Variants in TCP11L2 observed in about 807,000 individuals in gnomAD.
TCP11L2 encodes T-complex protein 11-like protein 2.
In TCP11L2, 39 loss-of-function variants were observed where a neutral mutation model predicts 50.7. The ratio of observed to expected loss-of-function variants is 0.77; its 90% confidence interval spans 0.60 to 1.01. TCP11L2 has a LOEUF of 1.01. Among genes scored for constraint, TCP11L2 ranks in the 50% least tolerant of loss-of-function variants. The pLI, the probability that TCP11L2 is intolerant of heterozygous loss-of-function variation, is 0.00. For missense variants in TCP11L2, 612 were observed against 614.7 expected (o/e 1.00, Z 0.05); for synonymous variants, 192 against 219.3 (o/e 0.88, Z 1.10).
At chr12:106,314,547 G>T in intron 3 of TCP11L2, 54 bp downstream of exon 3, 1 of 746,736 alleles carries the variant, frequency 1.3e-6, no homozygotes, top group South Asian at 1.8e-5. Context: ...GTGTGTGTGT[G>T]TGTGTGTGTG....
intron 6 of TCP11L2, among the ~76,000 whole-genome samples, chr12:106,331,553 G>A (rs2035747179): frequency 6.6e-6 from 1 of 152,188 alleles, no homozygotes; most frequent in Non-Finnish European, 1.5e-5. Context: ...CTAACACTTA[G>A]GGGACATTTC....
Position 106,335,794 on chromosome 12 carries a change from C to A in TCP11L2, c.928C>A (p.Gln310Lys). The change falls in exon 7 of 10, where the codon CAG (glutamine) becomes AAG (lysine). Residue 310 changes from glutamine to lysine, a missense_variant. Gln to Lys is a moderately conservative substitution (Grantham distance 53). Coordinates refer to ENST00000299045, the MANE Select transcript of TCP11L2 (RefSeq NM_152772.3). ...AAATAATAGTTACTTGAAACTGTTA[C>A]AGTGGGATTATCAGAAAAAAGAATT... ...VLNNSYLKLL[Q>K]WDYQKKELPE... 2 of 1,614,092 alleles carry A rather than the reference C, an allele frequency of 1.2e-6. No homozygotes were observed. Among genetic ancestry groups the A allele is most frequent in the Admixed American group, 1.7e-5 (1 of 60,002 alleles).
intron 6 of TCP11L2, among the ~76,000 whole-genome samples, chr12:106,332,743 CT>C (rs144025121): frequency 5.3e-5 from 8 of 151,592 alleles, no homozygotes; most frequent in African/African-American, 1.7e-4. Context: ...AGAGGAAGCT[CT>C]TTTTTTTGTC....
upstream of TCP11L2, among the ~76,000 whole-genome samples, chr12:106,299,840 AGGTT>A (rs1565829937): frequency 6.6e-6 from 1 of 152,252 alleles, no homozygotes; most frequent in African/African-American, 2.4e-5. Context: ...TAAGGCTGAG[AGGTT>A]GCAAATCCAA....
intron 2 of TCP11L2, among the ~76,000 whole-genome samples, chr12:106,312,711 A>G (rs752718937): frequency 1.3e-5 from 2 of 151,988 alleles, no homozygotes; most frequent in Non-Finnish European, 2.9e-5. Flanking sequence ...GTGAAACCCC[A>G]TCTCTACTAA....
At chr12:106,314,533 T>TTG in intron 3 of TCP11L2, 40 bp downstream of exon 3, 1 of 1,477,448 alleles carries the variant, frequency 6.8e-7, no homozygotes, top group Non-Finnish European at 9.3e-7. Flanking sequence ...CTGCTGAAGA[T>TTG]TCTGTGTGTG....
At chr12:106,312,330 A>G (rs11112934) in intron 2 of TCP11L2, 106 of 959,786 alleles carry the variant, frequency 1.1e-4, no homozygotes, top group Non-Finnish European at 1.5e-4. Context: ...GCCTTTCTGG[A>G]AAGACTTTTG....
intron 1 of TCP11L2, among the ~76,000 whole-genome samples, chr12:106,310,345 C>G (rs1167906108): frequency 6.6e-6 from 1 of 152,138 alleles, no homozygotes; most frequent in Non-Finnish European, 1.5e-5. Flanking sequence ...AACCATATAT[C>G]AGGTCTTAAT....
At chr12:106,297,950 CA>C (rs1240551193), upstream of TCP11L2, among the ~76,000 whole-genome samples, 1 of 152,162 alleles carries the variant, frequency 6.6e-6, no homozygotes, top group African/African-American at 2.4e-5. Flanking sequence ...TTCTGCTTCC[CA>C]GGGGACAACA....
At position 106,311,024 on chromosome 12, in the gene TCP11L2, T is replaced by G. The variant is rs566084964; in HGVS notation, c.-35-17T>G. On this transcript the variant is annotated splice_polypyrimidine_tract_variant and intron_variant, in intron 1 of 9. Transcript: ENST00000299045. The stretch of plus-strand genomic sequence containing the variant: ...AGTACCACAGAACATTGACGCAGGG[T>G]CTGTTTGTCTGTGCAGGTGCTACCT... 20 of 1,590,400 alleles carry G rather than the reference T, an allele frequency of 1.3e-5. No homozygotes were observed. The highest frequency in any genetic ancestry group is 1.6e-5 in the Non-Finnish European group (19 of 1,165,656).
At chr12:106,338,199 G>A (rs1398794970) in intron 8 of TCP11L2, among the ~76,000 whole-genome samples, 1 of 152,092 alleles carries the variant, frequency 6.6e-6, no homozygotes, top group East Asian at 1.9e-4. Flanking sequence ...TAGGTGTAGG[G>A]GCACATGTAC....
intron 4 of TCP11L2, 109 bp downstream of exon 4, chr12:106,318,573 A>G (rs2136681293): frequency 1.5e-6 from 2 of 1,372,948 alleles, no homozygotes; most frequent in Non-Finnish European, 2.0e-6. Flanking sequence ...TACTTCTCAC[A>G]GTACTGGAGG....
At chr12:106,319,881 AT>A (rs1203199083) in intron 4 of TCP11L2, among the ~76,000 whole-genome samples, 1 of 152,258 alleles carries the variant, frequency 6.6e-6, no homozygotes, top group Non-Finnish European at 1.5e-5. Flanking sequence ...TGAATAATCA[AT>A]AAATAGGCTG....
At chr12:106,326,083 G>T (rs1267430299) in intron 6 of TCP11L2, among the ~76,000 whole-genome samples, 1 of 152,130 alleles carries the variant, frequency 6.6e-6, no homozygotes, top group Non-Finnish European at 1.5e-5. Context: ...GCAAGAGGCT[G>T]GCTAACTGCT....
At chr12:106,329,924 T>G in intron 6 of TCP11L2, 3 of 985,866 alleles carry the variant, frequency 3.0e-6, no homozygotes, top group South Asian at 9.4e-5. Context: ...GGGGGTGGTG[T>G]TGCTTTAGTG....
intron 2 of TCP11L2, among the ~76,000 whole-genome samples, chr12:106,313,535 G>A (rs2034937550): frequency 6.6e-6 from 1 of 151,280 alleles, no homozygotes; most frequent in Non-Finnish European, 1.5e-5. Flanking sequence ...AGCTGAGATT[G>A]CACCACTGCA....
chr12:106,302,383 TCAGCCC>T, upstream of TCP11L2, among the ~76,000 whole-genome samples: 1 of 54,830 alleles, frequency 1.8e-5, no homozygotes, highest in East Asian at 5.6e-4. Context: ...CAGCCCCCGC[TCAGCCC>T]CCGCTCAGCC....
upstream of TCP11L2, among the ~76,000 whole-genome samples, chr12:106,301,302 CA>C (rs1393751624): frequency 5.9e-5 from 9 of 152,188 alleles, no homozygotes; most frequent in African/African-American, 2.2e-4. Flanking sequence ...TACAGATCAC[CA>C]GCTAAGTTTG....
chr12:106,338,063 G>A (rs1339840443), intron 8 of TCP11L2, among the ~76,000 whole-genome samples: 1 of 152,162 alleles, frequency 6.6e-6, no homozygotes, highest in Non-Finnish European at 1.5e-5. Flanking sequence ...AAACTAGAAG[G>A]AGTTTTTCCC....
Sources: gnomAD v4.1 joint callset for allele counts (sites outside exome capture counted in the v4.1 genomes callset) on GRCh38, gnomAD v4.1.1 for gene constraint, MANE v1.5 for transcripts, NCBI Gene and HGNC (gene_info 2026-07-23, HGNC 2026-07-21) for gene names.